The following WASF2 variants were observed in gnomAD, a reference collection of about 807,000 sequenced individuals.
WASF2 encodes actin-binding protein WASF2.
Under a neutral mutation model 45.0 loss-of-function variants are expected in WASF2, and 14 were observed. The ratio of observed to expected loss-of-function variants is 0.31; its 90% confidence interval spans 0.21 to 0.49. The LOEUF (loss-of-function observed/expected upper bound fraction) is 0.49. Among genes scored for constraint, WASF2 ranks in the 20% least tolerant of loss-of-function variants. WASF2 has a pLI of 0.99. For missense variants in WASF2, 439 were observed against 636.1 expected, an observed-to-expected ratio of 0.69 and a Z score of 3.33; for synonymous variants, 200 against 236.3, an observed-to-expected ratio of 0.85 and a Z score of 1.41.
chr1:27,487,448 T>A (rs1224209925), intron 1 of WASF2, among the ~76,000 whole-genome samples: 2 of 121,192 alleles, frequency 1.7e-5, no homozygotes, highest in Admixed American at 1.1e-4. Flanking sequence ...TATACAAATA[T>A]AAATATATAT....
Position 27,412,679 on chromosome 1 carries a change from T to G in WASF2, c.717A>C (p.Glu239Asp), listed in dbSNP as rs1337412801. Residue 239 changes from glutamate (E) to aspartate (D), a missense_variant, in exon 7 of 9, where the codon GAA (glutamate) becomes GAC (aspartate). Glu to Asp is a conservative substitution (Grantham distance 45). Transcript: ENST00000618852. ...VYQNGSIGCV[E>D]NVDASSYPPP... ...GCGGATAGCTACTTGCATCCACGTTTTCAACACAGCCAATGCTGCCATTCT... is the reference window on the plus strand; with the variant it reads ...GCGGATAGCTACTTGCATCCACGTTGTCAACACAGCCAATGCTGCCATTCT... 6.2e-7 allele frequency: 1 copy of G among 1,614,214 alleles called. No individual in the cohort carries two copies. Among genetic ancestry groups the G allele is most frequent in the Non-Finnish European group, 8.5e-7 (1 of 1,180,040 alleles).
rs1326666119 is a variant in WASF2, at chr1:27,407,924, A to C, written c.*265T>G. The C allele has an allele frequency of 5.2e-5, 19 of 363,698 alleles. No homozygotes were observed. In the East Asian group the frequency reaches 8.4e-4, roughly 16 times the overall value. The allele number at this position is 363,698 out of a possible 1,614,324, so 22.5% of individuals were successfully genotyped here. A position where few individuals can be genotyped will look rare whatever the true frequency, so the allele number is the denominator to read the frequency against. On this transcript the variant is annotated 3_prime_UTR_variant, in exon 9 of 9. Coordinates refer to ENST00000618852, the MANE Select transcript of WASF2 (RefSeq NM_006990.5). ...TGCTTTGGGATTTCTCCTTCCTTTC[A>C]ATATGCAACAGGCACTTGAAGGAAA...
chr1:27,475,156 A>G (rs942200650), intron 1 of WASF2, among the ~76,000 whole-genome samples: 1 of 152,128 alleles, frequency 6.6e-6, no homozygotes, highest in Non-Finnish European at 1.5e-5. Flanking sequence ...ATGTAACTGT[A>G]GTCCCAGTTA....
At chr1:27,446,727 G>A (rs921112591) in intron 1 of WASF2, among the ~76,000 whole-genome samples, 1 of 150,052 alleles carries the variant, frequency 6.7e-6, no homozygotes, top group Non-Finnish European at 1.5e-5. Flanking sequence ...ATTGCAGTGC[G>A]CCAAGATTGT....
intron 1 of WASF2, among the ~76,000 whole-genome samples, chr1:27,439,409 G>A (rs2017179190): frequency 6.6e-6 from 1 of 152,108 alleles, no homozygotes; most frequent in Non-Finnish European, 1.5e-5. Flanking sequence ...TTTATATATG[G>A]TTCTCTTAAG....
chr1:27,409,287 T>C (rs1325671285), intron 8 of WASF2, among the ~76,000 whole-genome samples: 3 of 149,796 alleles, frequency 2.0e-5, no homozygotes, highest in African/African-American at 7.3e-5. Context: ...TAGCCGGGCG[T>C]GGTGGCAGGC....
intron 1 of WASF2, among the ~76,000 whole-genome samples, chr1:27,431,798 C>T (rs2017065811): frequency 6.6e-6 from 1 of 152,188 alleles, no homozygotes; most frequent in African/African-American, 2.4e-5. Context: ...AAACAACTAA[C>T]TGTATGTCAT....
In WASF2 at chr1:27,416,018, G is replaced by C. The variant is rs549622742; in HGVS notation, c.504C>G (p.Thr168=). The change falls in exon 5 of 9, where the codon ACC becomes ACG. Residue 168 remains threonine, a synonymous_variant. Transcript: ENST00000618852. ...DLWKEKMLQD[T]KDIMKEKRKH... ...TTCTCTTCTCTTTCATGATATCCTT[G>C]GTGTCCTGCAGCATCTTCTCCTTCC... The C allele has an allele frequency of 6.2e-7, 1 of 1,613,738 alleles. No homozygotes were observed. The highest frequency in any genetic ancestry group is 1.3e-5 in the African/African-American group (1 of 74,850).
intron 4 of WASF2, among the ~76,000 whole-genome samples, chr1:27,417,743 G>C (rs1176389978): frequency 6.6e-6 from 1 of 152,190 alleles, no homozygotes; most frequent in Non-Finnish European, 1.5e-5. Flanking sequence ...AAAACAAAGT[G>C]AACGATGCTC....
intron 1 of WASF2, among the ~76,000 whole-genome samples, chr1:27,460,620 G>A (rs543819670): frequency 6.6e-6 from 1 of 152,260 alleles, no homozygotes; most frequent in East Asian, 1.9e-4. Context: ...CACATTATAT[G>A]ATCACCCTAT....
intron 1 of WASF2, among the ~76,000 whole-genome samples, chr1:27,431,970 A>T (rs1282832874): frequency 2.0e-5 from 3 of 152,208 alleles, no homozygotes; most frequent in African/African-American, 7.2e-5. Flanking sequence ...GTTTAAAGTG[A>T]TTTGTTTCAA....
chr1:27,457,621 C>CTT (rs759707887), intron 1 of WASF2, among the ~76,000 whole-genome samples: 3 of 140,358 alleles, frequency 2.1e-5, no homozygotes, highest in South Asian at 2.3e-4. Flanking sequence ...ATATTGTGAC[C>CTT]TTTTTTTTTT....
At chr1:27,485,487 G>C (rs1227523385) in intron 1 of WASF2, among the ~76,000 whole-genome samples, 1 of 152,118 alleles carries the variant, frequency 6.6e-6, no homozygotes, top group Non-Finnish European at 1.5e-5. Flanking sequence ...AAGAGGTGGA[G>C]GGTGTCATTC....
At chr1:27,413,451 C>A (rs527808427) in intron 6 of WASF2, among the ~76,000 whole-genome samples, 7 of 152,182 alleles carry the variant, frequency 4.6e-5, no homozygotes, top group Admixed American at 6.5e-5. Flanking sequence ...CCACCTCCCC[C>A]TCTTTCCACC....
chr1:27,477,704 C>T (rs1229546939), intron 1 of WASF2, among the ~76,000 whole-genome samples: 3 of 137,382 alleles, frequency 2.2e-5, no homozygotes, highest in African/African-American at 9.1e-5. Flanking sequence ...TCGAGACCAT[C>T]CCGGCTAAAA....
chr1:27,427,287 C>A (rs939082105), intron 2 of WASF2, among the ~76,000 whole-genome samples: 1 of 152,156 alleles, frequency 6.6e-6, no homozygotes, highest in African/African-American at 2.4e-5. Context: ...TCCATCAACA[C>A]CACCCTGGAA....
rs767912379 is a variant in WASF2, at chr1:27,408,317, G to C, written c.1369C>G (p.Arg457Gly). The C allele has an allele frequency of 6.2e-7, 1 of 1,614,154 alleles. No homozygotes were observed. The highest frequency in any genetic ancestry group is 1.1e-5 in the South Asian group (1 of 91,080). The change falls in exon 9 of 9, where the codon CGG becomes GGG. Residue 457 changes from arginine to glycine, a missense_variant. Coordinates refer to ENST00000618852, the MANE Select transcript of WASF2 (RefSeq NM_006990.5). ...GFQLRRVEEQ[R>G]EQEKRDVVGN... ...ACAACATCCCGCTTCTCTTGTTCCC[G>C]CTGCTCCTCAACCCTGCGCAGCTGA...
intron 7 of WASF2, 87 bp downstream of exon 7, chr1:27,412,485 A>G (rs2016773571): frequency 1.0e-5 from 16 of 1,556,506 alleles, no homozygotes; most frequent in Non-Finnish European, 1.4e-5. Context: ...AGCTGGGATT[A>G]CAGGCGTGAG....
chr1:27,460,696 T>C (rs751549084), intron 1 of WASF2, among the ~76,000 whole-genome samples: 1 of 152,188 alleles, frequency 6.6e-6, no homozygotes, highest in South Asian at 2.1e-4. Context: ...CATAGTCCCA[T>C]AGCCAAAATG....
Sources: gnomAD v4.1 joint callset for allele counts (sites outside exome capture counted in the v4.1 genomes callset) on GRCh38, gnomAD v4.1.1 for gene constraint, MANE v1.5 for transcripts, NCBI Gene and HGNC (gene_info 2026-07-23, HGNC 2026-07-21) for gene names.